Variants in ALDH1A2 observed in about 807,000 individuals in gnomAD.
ALDH1A2 encodes the protein aldehyde dehydrogenase 1 family member A2.
Under a neutral mutation model 60.3 loss-of-function variants are expected in ALDH1A2, and 27 were observed. That is an observed-to-expected ratio of 0.45 (90% confidence interval 0.33 to 0.62). ALDH1A2 has a LOEUF of 0.62. Ranked by LOEUF, ALDH1A2 falls within the 20% of genes least tolerant of loss-of-function variation. The pLI, the probability that ALDH1A2 is intolerant of heterozygous loss-of-function variation, is 0.02. For synonymous variants in ALDH1A2, 289 were observed against 232.4 expected, an observed-to-expected ratio of 1.24 and a Z score of -2.21; for missense variants, 581 against 643.8, an observed-to-expected ratio of 0.90 and a Z score of 1.06.
intron 7 of ALDH1A2, among the ~76,000 whole-genome samples, chr15:57,992,056 CA>C (rs1200963951): frequency 3.3e-5 from 5 of 152,042 alleles, no homozygotes; most frequent in African/African-American, 1.2e-4. Context: ...TGTCTAGAAA[CA>C]ATAAAAAGAT....
At chr15:58,054,150 T>C (rs1896841155) in intron 1 of ALDH1A2, among the ~76,000 whole-genome samples, 1 of 151,850 alleles carries the variant, frequency 6.6e-6, no homozygotes. Flanking sequence ...TGCAAACAGG[T>C]AAATGAGTCT....
chr15:57,988,442 T>TAGACCCGACCATATCATTA (rs1894785272), intron 7 of ALDH1A2, among the ~76,000 whole-genome samples: 1 of 152,186 alleles, frequency 6.6e-6, no homozygotes, highest in Non-Finnish European at 1.5e-5. Context: ...TGGGGGATTT[T>TAGACCCGACCATATCATTA]AGACCCGACC....
At chr15:57,993,463 A>C (rs563424755) in intron 5 of ALDH1A2, among the ~76,000 whole-genome samples, 31 of 152,338 alleles carry the variant, frequency 2.0e-4, no homozygotes, top group African/African-American at 5.1e-4. Context: ...TCACACTGGT[A>C]TGAAAGCTCT....
At chr15:57,979,408 C>T (rs1047029660) in intron 7 of ALDH1A2, among the ~76,000 whole-genome samples, 5 of 152,216 alleles carry the variant, frequency 3.3e-5, no homozygotes, top group African/African-American at 9.7e-5. Context: ...GGTACTGGTT[C>T]CCTCCAAGCC....
At chr15:58,022,296 G>C (rs1328808175) in intron 1 of ALDH1A2, among the ~76,000 whole-genome samples, 1 of 152,108 alleles carries the variant, frequency 6.6e-6, no homozygotes. Context: ...AGGGTACTGA[G>C]GTTGGGCCTA....
At chr15:57,966,437 C>G (rs1405041037) in intron 7 of ALDH1A2, among the ~76,000 whole-genome samples, 1 of 152,136 alleles carries the variant, frequency 6.6e-6, no homozygotes, top group African/African-American at 2.4e-5. Context: ...AAGCACTTGC[C>G]AATGAGTAGA....
chr15:58,010,740 T>C lies in ALDH1A2; in HGVS notation c.402A>G (p.Gln134=), dbSNP rs1203756806. 18 of 1,613,534 alleles carry C rather than the reference T, an allele frequency of 1.1e-5. No individual in the cohort carries two copies. The highest frequency in any genetic ancestry group is 1.7e-5 in the Admixed American group (1 of 59,980). The change falls in exon 4 of 13, where the codon CAA becomes CAG. Residue 134 remains glutamine, a synonymous_variant. Coordinates refer to ENST00000249750, the MANE Select transcript of ALDH1A2 (RefSeq NM_003888.4). ...ESLNGGKPFL[Q]AFYVDLQGVI... ...CGCCCTGCAAATCCACATAAAAAGCTTGCAGGAATGGTTTGCCACCATTTA... is the reference window on the plus strand; with the variant it reads ...CGCCCTGCAAATCCACATAAAAAGCCTGCAGGAATGGTTTGCCACCATTTA...
intron 7 of ALDH1A2, among the ~76,000 whole-genome samples, chr15:57,971,702 C>T (rs1894071011): frequency 6.6e-6 from 1 of 152,146 alleles, no homozygotes; most frequent in South Asian, 2.1e-4. Context: ...GGATGACAGG[C>T]CTGAGCCACC....
At chr15:58,058,760 G>A (rs1896955856) in intron 1 of ALDH1A2, among the ~76,000 whole-genome samples, 1 of 152,134 alleles carries the variant, frequency 6.6e-6, no homozygotes, top group African/African-American at 2.4e-5. Flanking sequence ...ATGAGGAAGG[G>A]AAACAGAGCA....
At chr15:58,045,099 G>A (rs916656818) in intron 1 of ALDH1A2, among the ~76,000 whole-genome samples, 2 of 151,946 alleles carry the variant, frequency 1.3e-5, no homozygotes, top group East Asian at 1.9e-4. Context: ...TATGAACAGA[G>A]ACTTCTCGAA....
intron 7 of ALDH1A2, chr15:57,990,604 G>C (rs561759737): frequency 1.3e-5 from 2 of 152,152 alleles, no homozygotes; most frequent in East Asian, 3.8e-4. Context: ...GCCGGACACC[G>C]TGGCTCATGC....
intron 1 of ALDH1A2, among the ~76,000 whole-genome samples, chr15:58,019,720 T>C (rs1410762260): frequency 1.3e-5 from 2 of 152,154 alleles, no homozygotes; most frequent in African/African-American, 4.8e-5. Flanking sequence ...TTATAGGTTG[T>C]TGTTGGTTTT....
chr15:58,060,813 A>T (rs755359306), intron 1 of ALDH1A2, among the ~76,000 whole-genome samples: 11 of 152,206 alleles, frequency 7.2e-5, no homozygotes, highest in Non-Finnish European at 1.5e-4. Context: ...TACTGTCACT[A>T]AGATAACTCA....
intron 4 of ALDH1A2, among the ~76,000 whole-genome samples, chr15:58,006,591 T>C (rs1477108168): frequency 2.0e-5 from 3 of 151,976 alleles, no homozygotes; most frequent in South Asian, 4.1e-4. Flanking sequence ...GGAATCTCCA[T>C]ACTGTTTTCT....
At chr15:58,001,418 T>C (rs1206854219) in intron 4 of ALDH1A2, among the ~76,000 whole-genome samples, 4 of 151,876 alleles carry the variant, frequency 2.6e-5, no homozygotes, top group Admixed American at 6.6e-5. Context: ...TCTTTTGTAA[T>C]ATGAACACAG....
intron 7 of ALDH1A2, among the ~76,000 whole-genome samples, chr15:57,966,512 G>A (rs1001217782): frequency 6.6e-6 from 1 of 152,204 alleles, no homozygotes; most frequent in Non-Finnish European, 1.5e-5. Context: ...TAGAGCCCCT[G>A]CTCAAGGCAG....
chr15:57,977,500 T>C (rs1383926900), intron 7 of ALDH1A2, among the ~76,000 whole-genome samples: 1 of 152,100 alleles, frequency 6.6e-6, no homozygotes, highest in Non-Finnish European at 1.5e-5. Context: ...TTTGTTAGGT[T>C]TGTCAAAGAT....
chr15:58,027,043 T>A (rs751505701), intron 1 of ALDH1A2, among the ~76,000 whole-genome samples: 1 of 152,114 alleles, frequency 6.6e-6, no homozygotes, highest in Non-Finnish European at 1.5e-5. Context: ...AGCACGGTGT[T>A]TGAGCTATGA....
intron 7 of ALDH1A2, chr15:57,979,966 C>T (rs1213943800): frequency 1.4e-5 from 5 of 352,330 alleles, no homozygotes; most frequent in Non-Finnish European, 2.9e-5. Flanking sequence ...GATGTGCTGC[C>T]GCGTCCCAGG....
Sources: allele counts gnomAD v4.1 joint callset (sites outside exome capture counted in the v4.1 genomes callset), GRCh38; gene constraint gnomAD v4.1.1; transcripts MANE v1.5; gene names NCBI Gene and HGNC (gene_info 2026-07-23, HGNC 2026-07-21).